WDR7: variants seen among roughly 807,000 people sequenced by gnomAD.
WDR7 encodes WD repeat-containing protein 7.
WDR7 carries 46 observed loss-of-function variants against 169.4 expected under a neutral mutation model. The ratio of observed to expected loss-of-function variants is 0.27; its 90% confidence interval spans 0.21 to 0.35. WDR7 has a LOEUF of 0.35. Ranked by LOEUF, WDR7 falls within the 10% of genes least tolerant of loss-of-function variation. The probability of loss-of-function intolerance (pLI) is 1.00; values close to 1 mark genes in which losing one functional copy is unlikely to be tolerated. For synonymous variants in WDR7, 612 were observed against 666.8 expected, an observed-to-expected ratio of 0.92 and a Z score of 1.27; for missense variants, 1,534 against 1,859.3, an observed-to-expected ratio of 0.83 and a Z score of 3.22.
intron 25 of WDR7, among the ~76,000 whole-genome samples, chr18:56,940,811 A>C (rs1411323638): frequency 6.6e-6 from 1 of 152,184 alleles, no homozygotes; most frequent in East Asian, 1.9e-4. Context: ...TGGAGTTAAC[A>C]TGAAAGTGCT....
chr18:57,024,673 A>G (rs9963250), intron 27 of WDR7, among the ~76,000 whole-genome samples: 1,355 of 20,128 alleles, frequency 0.067, 47 homozygotes, highest in South Asian at 0.13. Context: ...CTATTCTCAG[A>G]CAGGAATAGG....
intron 1 of WDR7, among the ~76,000 whole-genome samples, chr18:56,661,542 T>A (rs2024904562): frequency 6.6e-6 from 1 of 152,088 alleles, no homozygotes; most frequent in South Asian, 2.1e-4. Context: ...AGTCTCCTGT[T>A]GCCATCTGCT....
chr18:56,762,862 A>T, intron 16 of WDR7, among the ~76,000 whole-genome samples: 1 of 143,150 alleles, frequency 7.0e-6, no homozygotes. Flanking sequence ...ATGCCTATTT[A>T]TATCTTTTGT....
chr18:56,718,531 A>C (rs1272800783), intron 13 of WDR7, among the ~76,000 whole-genome samples: 4 of 152,220 alleles, frequency 2.6e-5, no homozygotes, highest in African/African-American at 9.6e-5. Context: ...CAGAAAAGCA[A>C]TGCTGGGCAG....
intron 19 of WDR7, among the ~76,000 whole-genome samples, chr18:56,809,791 C>A (rs2145192499): frequency 6.6e-6 from 1 of 151,814 alleles, no homozygotes; most frequent in East Asian, 1.9e-4. Flanking sequence ...GTTTTTTTAA[C>A]AAGCTAAGTT....
At chr18:57,006,560 A>C (rs61593280) in intron 26 of WDR7, among the ~76,000 whole-genome samples, 2,835 of 152,298 alleles carry the variant, frequency 0.019, 94 homozygotes, top group African/African-American at 0.065. Context: ...GTTTAAGCCA[A>C]TATATCTCCC....
intron 13 of WDR7, among the ~76,000 whole-genome samples, chr18:56,726,332 C>T (rs377619051): frequency 1.3e-5 from 2 of 152,256 alleles, no homozygotes; most frequent in South Asian, 2.1e-4. Flanking sequence ...TTTCATTGAG[C>T]AGTGGTTTGT....
At chr18:56,710,502 A>G (rs1017730889) in intron 12 of WDR7, among the ~76,000 whole-genome samples, 7 of 152,156 alleles carry the variant, frequency 4.6e-5, no homozygotes, top group African/African-American at 1.2e-4. Context: ...TTACTTAGCA[A>G]TTCTACCTTG....
At chr18:56,671,596 G>A (rs1568128440) in intron 1 of WDR7, among the ~76,000 whole-genome samples, 1 of 152,156 alleles carries the variant, frequency 6.6e-6, no homozygotes, top group Non-Finnish European at 1.5e-5. Context: ...AAAATGTTTA[G>A]CTCAGTGTGA....
In WDR7 at chr18:57,027,537, A is replaced by G. The variant is rs937182730; in HGVS notation, c.*330A>G. ...GCAACAGAAGCACAAAAATCAATAA[A>G]CACTGTGATTGCACTCCCAGCCCAG... On this transcript the variant is annotated 3_prime_UTR_variant, in exon 28 of 28. Coordinates refer to ENST00000254442, the MANE Select transcript of WDR7 (RefSeq NM_015285.3). 1.4e-5 allele frequency: 5 copies of G among 350,758 alleles called. No individual in the cohort carries two copies. Among genetic ancestry groups the G allele is most frequent in the Non-Finnish European group, 2.6e-5 (5 of 189,344 alleles). The allele number at this position is 350,758 out of a possible 1,614,324, so 21.7% of individuals were successfully genotyped here.
chr18:56,921,038 T>C (rs1018019859), intron 21 of WDR7, among the ~76,000 whole-genome samples: 3 of 152,206 alleles, frequency 2.0e-5, no homozygotes, highest in Non-Finnish European at 4.4e-5. Context: ...GCATAAAGAA[T>C]AGATGATTAA....
rs77032018 is a variant in WDR7, at chr18:56,800,033, A to G, written c.3191-15998A>G. Among the ~76,000 whole-genome samples the G allele has an allele frequency of 4.7e-4, 72 of 152,196 alleles. No homozygotes were observed. The East Asian group carries it at 7.1e-3, about 15-fold the overall frequency. ...GCCTTGTTTAAAAATAGACTTTGCT[A>G]TGTTTTTATTTGTGGGACGGGGTTA... is the stretch of plus-strand genomic sequence containing the variant. On this transcript the variant is annotated intron_variant, in intron 19 of 27. Transcript: ENST00000254442.
At chr18:56,945,398 G>GTGA in intron 25 of WDR7, among the ~76,000 whole-genome samples, 1 of 152,278 alleles carries the variant, frequency 6.6e-6, no homozygotes, top group African/African-American at 2.4e-5. Flanking sequence ...ATAGTCTGTA[G>GTGA]CTGTCTGTAG....
At chr18:56,830,408 G>A (rs1254019911) in intron 20 of WDR7, among the ~76,000 whole-genome samples, 7 of 152,096 alleles carry the variant, frequency 4.6e-5, no homozygotes, top group Non-Finnish European at 8.8e-5. Context: ...AAGCATCATT[G>A]CTAATGCCCT....
At chr18:56,865,013 A>G (rs992873042) in intron 20 of WDR7, among the ~76,000 whole-genome samples, 1 of 151,986 alleles carries the variant, frequency 6.6e-6, no homozygotes, top group Non-Finnish European at 1.5e-5. Flanking sequence ...CTTTTTACTA[A>G]TCATTTGTAT....
chr18:56,729,098 A>G (rs1351028157), intron 13 of WDR7, among the ~76,000 whole-genome samples: 1 of 152,118 alleles, frequency 6.6e-6, no homozygotes, highest in Non-Finnish European at 1.5e-5. Context: ...TTTGTTGATT[A>G]ATGATTTTAT....
chr18:56,710,353 T>G (rs2026060386), intron 12 of WDR7, among the ~76,000 whole-genome samples: 2 of 152,146 alleles, frequency 1.3e-5, no homozygotes, highest in South Asian at 4.1e-4. Context: ...ATCCATTTTA[T>G]TATATCCATG....
At chr18:56,805,235 C>A (rs1034754167) in intron 19 of WDR7, among the ~76,000 whole-genome samples, 1 of 152,104 alleles carries the variant, frequency 6.6e-6, no homozygotes, top group Non-Finnish European at 1.5e-5. Flanking sequence ...CTCCTTAAAC[C>A]CATTTAATTT....
chr18:56,736,372 A>G (rs1341144549), intron 14 of WDR7, among the ~76,000 whole-genome samples: 1 of 152,114 alleles, frequency 6.6e-6, no homozygotes, highest in Non-Finnish European at 1.5e-5. Context: ...GTATAGAATT[A>G]CAAGATAGAA....
Sources: allele counts gnomAD v4.1 joint callset (sites outside exome capture counted in the v4.1 genomes callset), GRCh38; gene constraint gnomAD v4.1.1; transcripts MANE v1.5; gene names NCBI Gene and HGNC (gene_info 2026-07-23, HGNC 2026-07-21).